The following CSMD1 variants were observed in gnomAD, a reference collection of about 807,000 sequenced individuals.
The protein encoded by CSMD1 is CUB and sushi domain-containing protein 1.
A neutral mutation model predicts 417.5 loss-of-function variants in CSMD1; 213 were observed. That is an observed-to-expected ratio of 0.51 (90% confidence interval 0.46 to 0.57). CSMD1 has a LOEUF of 0.57. CSMD1 is among the 20% of genes least tolerant of loss of function. The pLI is 0.00. For synonymous variants in CSMD1, 2,862 were observed against 1,736.8 expected (o/e 1.65, Z -16.11); for missense variants, 6,923 against 4,529.7 (o/e 1.53, Z -15.17).
chr8:4,565,037 G>A lies in CSMD1; in HGVS notation c.302+72305C>T, dbSNP rs1481847535. 2.6e-5 allele frequency among the ~76,000 whole-genome samples: 4 copies of A among 152,264 alleles called. No homozygotes were observed. In the East Asian group the frequency reaches 7.7e-4, roughly 29 times the overall value. On this transcript the variant is annotated intron_variant, in intron 2 of 69. Coordinates refer to ENST00000635120, the MANE Select transcript of CSMD1 (RefSeq NM_033225.6). ...GATGTCTGTCATCTTCAACAAAATGGATTTCAAGGCCTAGATTTAAGATAA... is the reference window on the plus strand; with the variant it reads ...GATGTCTGTCATCTTCAACAAAATGAATTTCAAGGCCTAGATTTAAGATAA...
At position 4,281,656 on chromosome 8, in the gene CSMD1, T is replaced by C. The variant is rs1796791683; in HGVS notation, c.415+138297A>G. On this transcript the variant is annotated intron_variant, in intron 3 of 69. Coordinates refer to ENST00000635120, the MANE Select transcript of CSMD1 (RefSeq NM_033225.6). ...ATGTTGGGCTTTCTTACTTGACATA[T>C]AATTCTATATAGTAACATCTGTATG... Among the ~76,000 whole-genome samples, 4 of 152,354 alleles carry C rather than the reference T, an allele frequency of 2.6e-5. 1 individual carries two copies. In the South Asian group the frequency reaches 6.2e-4, roughly 24 times the overall value.
intron 2 of CSMD1, among the ~76,000 whole-genome samples, chr8:4,564,680 C>T (rs188733247): frequency 2.4e-4 from 36 of 152,204 alleles, no homozygotes; most frequent in African/African-American, 8.4e-4. Context: ...GTCTATAGTA[C>T]CTGAGTAAGC....
At chr8:3,973,390 T>C (rs1813212853) in intron 5 of CSMD1, among the ~76,000 whole-genome samples, 1 of 152,254 alleles carries the variant, frequency 6.6e-6, no homozygotes, top group South Asian at 2.1e-4. Flanking sequence ...ATTCACCTAC[T>C]GTTGTCACCT....
intron 1 of CSMD1, among the ~76,000 whole-genome samples, chr8:4,947,375 G>A (rs147646941): frequency 8.8e-4 from 133 of 151,932 alleles, no homozygotes; most frequent in Middle Eastern, 6.8e-3. Context: ...ACTAATTAAT[G>A]GGAAATTCCC....
chr8:3,916,470 G>C (rs1042142229), intron 5 of CSMD1, among the ~76,000 whole-genome samples: 1 of 152,092 alleles, frequency 6.6e-6, no homozygotes, highest in Non-Finnish European at 1.5e-5. Context: ...ATACATAAAG[G>C]CTTGTTAGCT....
chr8:3,520,924 G>A (rs1332594747), intron 10 of CSMD1, among the ~76,000 whole-genome samples: 1 of 151,986 alleles, frequency 6.6e-6, no homozygotes, highest in Non-Finnish European at 1.5e-5. Flanking sequence ...TCAACATTTG[G>A]GATGATTGTT....
chr8:3,982,583 A>C (rs1185175765), intron 5 of CSMD1, among the ~76,000 whole-genome samples: 3 of 151,846 alleles, frequency 2.0e-5, no homozygotes, highest in African/African-American at 7.3e-5. Context: ...AGTCATTTAG[A>C]ATTTCACTAC....
At chr8:4,960,407 C>G (rs1356185161) in intron 1 of CSMD1, among the ~76,000 whole-genome samples, 2 of 152,186 alleles carry the variant, frequency 1.3e-5, no homozygotes, top group Non-Finnish European at 2.9e-5. Context: ...CTACCGATCT[C>G]ACTCTTCTTT....
chr8:2,989,770 A>G (rs1806218049), intron 54 of CSMD1, among the ~76,000 whole-genome samples: 1 of 152,206 alleles, frequency 6.6e-6, no homozygotes, highest in African/African-American at 2.4e-5. Context: ...TTCATACTTA[A>G]AAGCCCACTC....
At position 3,237,600 on chromosome 8, in the gene CSMD1, A is replaced by T. The variant is rs1403988499; in HGVS notation, c.4154-7369T>A. Reference sequence around the variant, plus strand: ...TTTTTATACTTATACTATAAATATAATTTTATACTTATACTATAAATATAT... The same window carrying T: ...TTTTTATACTTATACTATAAATATATTTTTATACTTATACTATAAATATAT... On this transcript the variant is annotated intron_variant, in intron 26 of 69. Transcript: ENST00000635120. 6.5e-4 allele frequency among the ~76,000 whole-genome samples: 94 copies of T among 145,068 alleles called. 1 individual carries two copies. The highest frequency in any genetic ancestry group is 2.2e-3 in the African/African-American group (89 of 40,278).
At chr8:4,467,434 G>C (rs1169122183) in intron 2 of CSMD1, among the ~76,000 whole-genome samples, 3 of 150,954 alleles carry the variant, frequency 2.0e-5, no homozygotes, top group Non-Finnish European at 4.4e-5. Flanking sequence ...CTACCAAGCA[G>C]ACATCCTTCT....
intron 23 of CSMD1, among the ~76,000 whole-genome samples, chr8:3,342,309 T>A (rs919551411): frequency 3.3e-5 from 5 of 152,192 alleles, no homozygotes; most frequent in African/African-American, 1.2e-4. Flanking sequence ...GATTATTATC[T>A]TTTGCAGGAC....
At chr8:2,972,837 A>C (rs1367965804) in intron 57 of CSMD1, among the ~76,000 whole-genome samples, 3 of 152,226 alleles carry the variant, frequency 2.0e-5, no homozygotes. Context: ...AAACACTGGC[A>C]ACACCACATA....
rs139957800 is a variant in CSMD1, at chr8:4,298,907, T to G, written c.415+121046A>C. Among the ~76,000 whole-genome samples the G allele has an allele frequency of 3.5e-4, 53 of 152,202 alleles. No individual in the cohort carries two copies. The East Asian group carries it at 5.8e-3, about 17-fold the overall frequency. On this transcript the variant is annotated intron_variant, in intron 3 of 69. Transcript: ENST00000635120. Reference sequence around the variant, plus strand: ...ATGAGTAAATTTTACATCATATATATGTATATATACACACATAAATACATA... The same window carrying G: ...ATGAGTAAATTTTACATCATATATAGGTATATATACACACATAAATACATA...
At chr8:3,053,859 T>G (rs1812036377) in intron 49 of CSMD1, among the ~76,000 whole-genome samples, 1 of 152,198 alleles carries the variant, frequency 6.6e-6, no homozygotes, top group South Asian at 2.1e-4. Flanking sequence ...TAAAGAGCCT[T>G]CTTTTACTCA....
intron 2 of CSMD1, among the ~76,000 whole-genome samples, chr8:4,627,936 A>G (rs1802219023): frequency 6.6e-6 from 1 of 152,142 alleles, no homozygotes; most frequent in Non-Finnish European, 1.5e-5. Flanking sequence ...GACGATGATC[A>G]GCATCTCTAG....
chr8:3,254,476 A>G (rs1425979862), intron 26 of CSMD1, among the ~76,000 whole-genome samples: 1 of 152,140 alleles, frequency 6.6e-6, no homozygotes, highest in African/African-American at 2.4e-5. Flanking sequence ...GTGTTTTCCA[A>G]CTTGGTTCCA....
intron 3 of CSMD1, among the ~76,000 whole-genome samples, chr8:4,284,152 G>A (rs1423059479): frequency 2.0e-5 from 3 of 152,162 alleles, no homozygotes; most frequent in Admixed American, 1.3e-4. Context: ...TGGATCACCT[G>A]AGGTCAGGAG....
At chr8:2,964,768 T>C (rs912297800) in intron 59 of CSMD1, among the ~76,000 whole-genome samples, 1 of 152,188 alleles carries the variant, frequency 6.6e-6, no homozygotes, top group African/African-American at 2.4e-5. Flanking sequence ...CCTTTGACTC[T>C]ACTGGGAGAC....
Sources: allele counts gnomAD v4.1 joint callset (sites outside exome capture counted in the v4.1 genomes callset), GRCh38; gene constraint gnomAD v4.1.1; transcripts MANE v1.5; gene names NCBI Gene and HGNC (gene_info 2026-07-23, HGNC 2026-07-21).